Variants in PTPRE observed in about 807,000 individuals in gnomAD.
The protein encoded by PTPRE is receptor-type tyrosine-protein phosphatase epsilon.
In PTPRE, 51 loss-of-function variants were observed where a neutral mutation model predicts 102.0. The observed-to-expected ratio is 0.50, with a 90% CI of 0.40 to 0.63. The LOEUF is 0.63. Among genes scored for constraint, PTPRE ranks in the 30% least tolerant of loss-of-function variants. PTPRE has a pLI of 0.00. For missense variants in PTPRE, 752 were observed against 915.1 expected (o/e 0.82, Z 2.30); for synonymous variants, 345 against 348.2 (o/e 0.99, Z 0.10).
intron 7 of PTPRE, 67 bp downstream of exon 7, chr10:128,056,280 C>G: frequency 7.6e-7 from 1 of 1,321,404 alleles, no homozygotes; most frequent in Non-Finnish European, 1.1e-6. Flanking sequence ...TGCCTTGCAG[C>G]TCCCCGTGAC....
chr10:127,962,484 G>A (rs918804615), intron 1 of PTPRE, among the ~76,000 whole-genome samples: 8 of 152,204 alleles, frequency 5.3e-5, no homozygotes, highest in Admixed American at 2.0e-4. Context: ...AGACCTCCCC[G>A]GGGAAGCAGA....
chr10:127,915,286 T>C (rs1468203905), intron 1 of PTPRE, among the ~76,000 whole-genome samples: 1 of 152,244 alleles, frequency 6.6e-6, no homozygotes, highest in East Asian at 1.9e-4. Flanking sequence ...AGTAAAATTT[T>C]TCATTGTGAT....
chr10:127,940,578 C>T (rs1326613974), intron 1 of PTPRE, among the ~76,000 whole-genome samples: 2 of 152,200 alleles, frequency 1.3e-5, no homozygotes, highest in Non-Finnish European at 2.9e-5. Flanking sequence ...TGTTGCTGCA[C>T]CTCTGCTGCT....
At chr10:127,974,880 A>ATCATACCC in intron 1 of PTPRE, among the ~76,000 whole-genome samples, 1 of 151,970 alleles carries the variant, frequency 6.6e-6, no homozygotes, top group Admixed American at 6.6e-5. Context: ...TAAAATGTGG[A>ATCATACCC]TCATACCTCC....
intron 2 of PTPRE, among the ~76,000 whole-genome samples, chr10:128,016,000 C>A (rs1845395214): frequency 6.6e-6 from 1 of 152,142 alleles, no homozygotes; most frequent in South Asian, 2.1e-4. Flanking sequence ...AGCTCAAGGG[C>A]AGGCAAGGGC....
Position 128,047,408 on chromosome 10 carries a change from C to G in PTPRE, c.128C>G (p.Ala43Gly). Residue 43 changes from alanine to glycine, a missense_variant, in exon 4 of 21, where the codon GCC (alanine) becomes GGC (glycine). Physicochemically the swap from Ala to Gly is moderately conservative, Grantham distance 60. Transcript: ENST00000254667. ...TTTSGPPDPG[A>G]SQPLLAWLLL... Reference sequence around the variant, plus strand: ...CCTGCAGGCCCTCCGGACCCGGGCGCCTCCCAGCCGCTGCTGGCCTGGCTG... The same window carrying G: ...CCTGCAGGCCCTCCGGACCCGGGCGGCTCCCAGCCGCTGCTGGCCTGGCTG... 6.2e-7 allele frequency: 1 copy of G among 1,613,084 alleles called. No homozygotes were observed. Among genetic ancestry groups the G allele is most frequent in the Non-Finnish European group, 8.5e-7 (1 of 1,179,952 alleles).
chr10:127,996,604 G>T (rs572548922), intron 2 of PTPRE, among the ~76,000 whole-genome samples: 1 of 152,314 alleles, frequency 6.6e-6, no homozygotes, highest in East Asian at 1.9e-4. Flanking sequence ...CATCCAGCTA[G>T]TATGCCTCCC....
chr10:128,081,189 A>G (rs559058707), intron 20 of PTPRE, among the ~76,000 whole-genome samples: 10 of 152,220 alleles, frequency 6.6e-5, no homozygotes, highest in Non-Finnish European at 1.3e-4. Context: ...TTGAGTAAAG[A>G]GATGATTGCT....
chr10:127,912,479 C>T (rs1174546367), intron 1 of PTPRE, among the ~76,000 whole-genome samples: 2 of 151,994 alleles, frequency 1.3e-5, no homozygotes, highest in East Asian at 3.8e-4. Flanking sequence ...AAATCTTTCT[C>T]CCAAAAACAA....
At chr10:127,938,737 A>C (rs1848009046) in intron 1 of PTPRE, among the ~76,000 whole-genome samples, 1 of 152,194 alleles carries the variant, frequency 6.6e-6, no homozygotes, top group Non-Finnish European at 1.5e-5. Context: ...TGATAAAATT[A>C]GTATCAATGC....
At chr10:127,908,247 G>A (rs1845628442) in intron 1 of PTPRE, among the ~76,000 whole-genome samples, 1 of 152,148 alleles carries the variant, frequency 6.6e-6, no homozygotes, top group Non-Finnish European at 1.5e-5. Context: ...GAGCGTATAG[G>A]TGAGTTGAAT....
chr10:128,066,251 C>G, intron 11 of PTPRE, 57 bp downstream of exon 11: 1 of 1,594,632 alleles, frequency 6.3e-7, no homozygotes, highest in East Asian at 2.2e-5. Flanking sequence ...AGCATCATGC[C>G]CAGAGTTAAC....
chr10:128,048,822 G>A (rs1848313535), intron 5 of PTPRE, among the ~76,000 whole-genome samples: 1 of 152,200 alleles, frequency 6.6e-6, no homozygotes, highest in South Asian at 2.1e-4. Flanking sequence ...GAATGGCTCT[G>A]CAGGTGGGGA....
chr10:128,081,140 A>C (rs1289590460), intron 20 of PTPRE, among the ~76,000 whole-genome samples: 1 of 107,756 alleles, frequency 9.3e-6, no homozygotes, highest in African/African-American at 3.7e-5. Context: ...TTTGGCAGGG[A>C]GATTTTGGCA....
intron 6 of PTPRE, among the ~76,000 whole-genome samples, chr10:128,055,759 G>A (rs1240747078): frequency 5.9e-5 from 9 of 152,248 alleles, no homozygotes; most frequent in East Asian, 3.9e-4. Context: ...CAGTTCTGTC[G>A]TAGTCAGTTC....
rs1851983016 is a variant in PTPRE at position 128,084,837 on chromosome 10, A to T, written c.*1931A>T. On this transcript the variant is annotated 3_prime_UTR_variant, in exon 21 of 21. Coordinates refer to ENST00000254667, the MANE Select transcript of PTPRE (RefSeq NM_006504.6). ...CTCTGGTCATTTATTTGAGAGTTCG[A>T]AGTCAAAGTCGAGGGGCACCGGCTT... The T allele has an allele frequency of 6.0e-6, 1 of 166,500 alleles. No homozygotes were observed. The highest frequency in any genetic ancestry group is 2.4e-5 in the African/African-American group (1 of 42,040). 10.3% of individuals were successfully genotyped at this position (166,500 alleles called of 1,614,324 possible). A position where few individuals can be genotyped will look rare whatever the true frequency, so the allele number is the denominator to read the frequency against.
At position 128,083,103 on chromosome 10, in the gene PTPRE, AAAT is replaced by A. The variant is rs1325305423; in HGVS notation, c.*202_*204del. 1.3e-5 allele frequency: 5 copies of A among 385,060 alleles called. 1 individual carries two copies. The highest frequency in any genetic ancestry group is 2.2e-5 in the Non-Finnish European group (5 of 223,374). The allele number at this position is 385,060 out of a possible 1,614,324, so 23.9% of individuals were successfully genotyped here. On this transcript the variant is annotated 3_prime_UTR_variant, in exon 21 of 21. Transcript: ENST00000254667. ...AAAATTGGAATAATGTATTAAGGTC[AAAT>A]AATATCCCATAAAATATATATTTCT...
chr10:128,067,464 G>A (rs1253697331), intron 11 of PTPRE, among the ~76,000 whole-genome samples: 1 of 149,506 alleles, frequency 6.7e-6, no homozygotes, highest in Non-Finnish European at 1.5e-5. Context: ...ATGCATACAT[G>A]TGCACACATT....
chr10:127,977,504 C>G (rs546760640), intron 1 of PTPRE, among the ~76,000 whole-genome samples: 1 of 152,214 alleles, frequency 6.6e-6, no homozygotes, highest in Non-Finnish European at 1.5e-5. Flanking sequence ...TCTGCCCACT[C>G]GAATGCTTGT....
Sources: allele counts gnomAD v4.1 joint callset (sites outside exome capture counted in the v4.1 genomes callset), GRCh38; gene constraint gnomAD v4.1.1; transcripts MANE v1.5; gene names NCBI Gene and HGNC (gene_info 2026-07-23, HGNC 2026-07-21).